Variants in PTPRM observed in about 807,000 individuals in gnomAD.
The protein encoded by PTPRM is protein tyrosine phosphatase receptor type M.
A neutral mutation model predicts 186.7 loss-of-function variants in PTPRM; 47 were observed. The observed-to-expected ratio is 0.25, with a 90% CI of 0.20 to 0.32. The LOEUF (loss-of-function observed/expected upper bound fraction) is 0.32, where lower values mean the gene tolerates loss of function less well. PTPRM is among the 10% of genes least tolerant of loss of function. PTPRM has a pLI of 1.00. For missense variants in PTPRM, 1,494 were observed against 1,865.0 expected (o/e 0.80, Z 3.66); for synonymous variants, 668 against 674.9 (o/e 0.99, Z 0.16).
intron 1 of PTPRM, among the ~76,000 whole-genome samples, chr18:7,577,536 C>T (rs1171816985): frequency 6.6e-6 from 1 of 152,196 alleles, no homozygotes; most frequent in Non-Finnish European, 1.5e-5. Context: ...AGAGCTCAGA[C>T]AGCATCATGA....
At position 8,387,140 on chromosome 18, in the gene PTPRM, A is replaced by T. The variant is rs147695315; in HGVS notation, c.4113A>T (p.Pro1371=). 4 of 1,612,130 alleles carry T rather than the reference A, an allele frequency of 2.5e-6. No homozygotes were observed. The highest frequency in any genetic ancestry group is 3.4e-6 in the Non-Finnish European group (4 of 1,178,114). The change falls in exon 31 of 33, where the codon CCA becomes CCT. Residue 1371 remains proline (P), a synonymous_variant. Coordinates refer to ENST00000580170, the MANE Select transcript of PTPRM (RefSeq NM_001105244.2). ...GCTGGCCGATGTACAGGGACACACC[A>T]GTGTCTAAGCGCTCCTTCTTGAAGC... The part of the protein sequence containing the change: ...FLGWPMYRDT[P]VSKRSFLKLI...
At chr18:7,575,805 A>T (rs2036674088) in intron 1 of PTPRM, among the ~76,000 whole-genome samples, 1 of 152,210 alleles carries the variant, frequency 6.6e-6, no homozygotes, top group South Asian at 2.1e-4. Flanking sequence ...GGGTTTAGGT[A>T]TGTAATTCAA....
chr18:7,961,794 C>T (rs1019898107), intron 7 of PTPRM, among the ~76,000 whole-genome samples: 3 of 149,538 alleles, frequency 2.0e-5, no homozygotes, highest in Admixed American at 1.3e-4. Flanking sequence ...TTTATAAAAG[C>T]GATAGTGTTT....
At chr18:7,854,657 C>G (rs1326037678) in intron 2 of PTPRM, among the ~76,000 whole-genome samples, 1 of 151,226 alleles carries the variant, frequency 6.6e-6, no homozygotes, top group Admixed American at 6.6e-5. Flanking sequence ...TTGATCACCT[C>G]TGAGGCATGA....
intron 1 of PTPRM, among the ~76,000 whole-genome samples, chr18:7,582,403 A>G (rs2036868985): frequency 6.6e-6 from 1 of 152,200 alleles, no homozygotes; most frequent in Non-Finnish European, 1.5e-5. Context: ...AGAGAGCAGA[A>G]GTGAACCAAG....
chr18:7,852,325 C>A (rs1205625479), intron 2 of PTPRM, among the ~76,000 whole-genome samples: 2 of 152,052 alleles, frequency 1.3e-5, no homozygotes, highest in African/African-American at 4.8e-5. Context: ...ACTTGTAATT[C>A]CAGTGTTTTA....
At position 7,852,626 on chromosome 18, in the gene PTPRM, A is replaced by G. The variant is rs146452594; in HGVS notation, c.197-35480A>G. Reference sequence around the variant, plus strand: ...TGTGAACCTGGGAGACGGAGCTTGCAGTGAGCCAAGATCGTGCCACTGCAC... The same window carrying G: ...TGTGAACCTGGGAGACGGAGCTTGCGGTGAGCCAAGATCGTGCCACTGCAC... On this transcript the variant is annotated intron_variant, in intron 2 of 32. Transcript: ENST00000580170. Among the ~76,000 whole-genome samples the G allele has an allele frequency of 3.9e-3, 596 of 152,108 alleles. 3 individuals are homozygous for G. The highest frequency in any genetic ancestry group is 5.4e-3 in the Non-Finnish European group (364 of 67,990).
chr18:8,186,847 C>T (rs1232932070), intron 14 of PTPRM, among the ~76,000 whole-genome samples: 3 of 152,088 alleles, frequency 2.0e-5, no homozygotes, highest in African/African-American at 7.2e-5. Flanking sequence ...TGCACTGTGA[C>T]ACAGGTAACA....
At position 8,097,919 on chromosome 18, in the gene PTPRM, G is replaced by A. The variant is rs140523070; in HGVS notation, c.1856+9068G>A. 3.9e-5 allele frequency among the ~76,000 whole-genome samples: 6 copies of A among 152,318 alleles called. No individual in the cohort carries two copies. The East Asian group carries it at 1.2e-3, about 29-fold the overall frequency. ...ATAAGGACATTTCATTCAACAGACT[G>A]CGTATACAGCAGTGGTCCTGAAATA... On this transcript the variant is annotated intron_variant, in intron 11 of 32. Transcript: ENST00000580170.
chr18:8,123,269 G>A (rs1286612531), intron 13 of PTPRM, among the ~76,000 whole-genome samples: 1 of 152,178 alleles, frequency 6.6e-6, no homozygotes, highest in Non-Finnish European at 1.5e-5. Context: ...CAAGTAAGAA[G>A]CAGAAACTAC....
In PTPRM at chr18:8,376,036, A is replaced by G; in HGVS notation, c.3172-10A>G. 6.3e-7 allele frequency: 1 copy of G among 1,599,378 alleles called. No individual in the cohort carries two copies. Among genetic ancestry groups the G allele is most frequent in the Non-Finnish European group, 8.6e-7 (1 of 1,167,744 alleles). On this transcript the variant is annotated splice_polypyrimidine_tract_variant and intron_variant, in intron 24 of 32. Coordinates refer to ENST00000580170, the MANE Select transcript of PTPRM (RefSeq NM_001105244.2). ...TTCTCTTCCTTGTTCTGGCTAACCA[A>G]CTACTGCAGAGAGGTGTGCATGAAA... is the stretch of plus-strand genomic sequence containing the variant.
intron 14 of PTPRM, among the ~76,000 whole-genome samples, chr18:8,202,604 T>C (rs1285930931): frequency 6.6e-6 from 1 of 151,328 alleles, no homozygotes; most frequent in Admixed American, 6.6e-5. Context: ...TTTTTTTTAA[T>C]GGTAAGAAAT....
intron 14 of PTPRM, among the ~76,000 whole-genome samples, chr18:8,185,010 G>C (rs190271289): frequency 6.6e-6 from 1 of 152,132 alleles, no homozygotes; most frequent in East Asian, 1.9e-4. Flanking sequence ...TATCTTGTTG[G>C]TTTTCTTTTT....
intron 1 of PTPRM, among the ~76,000 whole-genome samples, chr18:7,727,155 G>A (rs2040566202): frequency 6.6e-6 from 1 of 152,022 alleles, no homozygotes; most frequent in Non-Finnish European, 1.5e-5. Context: ...TTAAGTAGAG[G>A]CTGGGTGACT....
At chr18:7,996,484 CAAGG>C (rs1234283029) in intron 7 of PTPRM, among the ~76,000 whole-genome samples, 2 of 151,876 alleles carry the variant, frequency 1.3e-5, no homozygotes, top group Non-Finnish European at 2.9e-5. Context: ...TGGAACAAGA[CAAGG>C]AAGCCCATTT....
chr18:8,202,037 AAAC>A (rs2093865504), intron 14 of PTPRM, among the ~76,000 whole-genome samples: 1 of 152,186 alleles, frequency 6.6e-6, no homozygotes, highest in Admixed American at 6.5e-5. Context: ...CTTCCTCCTT[AAAC>A]AACATAAAAC....
At chr18:8,078,200 C>T (rs1027691185) in intron 9 of PTPRM, among the ~76,000 whole-genome samples, 1 of 152,172 alleles carries the variant, frequency 6.6e-6, no homozygotes, top group Non-Finnish European at 1.5e-5. Flanking sequence ...TCCCCAGCTC[C>T]CTCGAGGTAG....
chr18:7,902,153 G>A (rs1036600105), intron 3 of PTPRM, among the ~76,000 whole-genome samples: 2 of 152,210 alleles, frequency 1.3e-5, no homozygotes, highest in East Asian at 3.9e-4. Context: ...AACCTGTCAA[G>A]TTTGAGAAGT....
rs150399238 is a variant in PTPRM, at chr18:8,156,358, C to T, written c.2300+12579C>T. Among the ~76,000 whole-genome samples the T allele has an allele frequency of 3.0e-3, 451 of 152,200 alleles. 1 individual carries two copies. Among genetic ancestry groups the T allele is most frequent in the African/African-American group, 0.01 (418 of 41,522 alleles). On this transcript the variant is annotated intron_variant, in intron 14 of 32. Transcript: ENST00000580170. ...TAAGAGTCATGGCTTTAGAATCTGA[C>T]GAACCTGATTTTACACCACAACTCT...
Sources: allele counts gnomAD v4.1 joint callset (sites outside exome capture counted in the v4.1 genomes callset), GRCh38; gene constraint gnomAD v4.1.1; transcripts MANE v1.5; gene names NCBI Gene and HGNC (gene_info 2026-07-23, HGNC 2026-07-21).